SMC4: variants seen among roughly 807,000 people sequenced by gnomAD.
SMC4 encodes structural maintenance of chromosomes protein 4.
Under a neutral mutation model 145.6 loss-of-function variants are expected in SMC4, and 87 were observed. The ratio of observed to expected loss-of-function variants is 0.60; its 90% CI spans 0.50 to 0.71. The LOEUF (loss-of-function observed/expected upper bound fraction) is 0.71, where lower values mean the gene tolerates loss of function less well. Ranked by LOEUF, SMC4 falls within the 30% of genes least tolerant of loss-of-function variation. The pLI is 0.00. For synonymous variants in SMC4, 558 were observed against 500.7 expected (o/e 1.11, Z -1.53); for missense variants, 1,447 against 1,537.1 (o/e 0.94, Z 0.98).
intron 17 of SMC4, 37 bp downstream of exon 17, chr3:160,426,237 A>G (rs1407214715): frequency 4.6e-6 from 7 of 1,518,044 alleles, no homozygotes; most frequent in Non-Finnish European, 5.3e-6. Context: ...GGGGGAAAAA[A>G]AAAACAGGTT....
At chr3:160,421,564 C>T (rs1353487201) in intron 13 of SMC4, among the ~76,000 whole-genome samples, 9 of 151,830 alleles carry the variant, frequency 5.9e-5, no homozygotes, top group South Asian at 2.1e-4. Context: ...GCCAACATGG[C>T]GAAATCCCAT....
chr3:160,431,521 T>C, intron 20 of SMC4, 122 bp from the exon 21 acceptor site: 1 of 783,406 alleles, frequency 1.3e-6, no homozygotes, highest in East Asian at 2.7e-5. Flanking sequence ...GAAAAATAAT[T>C]GATAAATCAG....
rs1718440464 is a variant in SMC4, at chr3:160,431,839, G to A, written c.3297+14G>A. The A allele has an allele frequency of 6.3e-7, 1 of 1,599,012 alleles. No homozygotes were observed. Among genetic ancestry groups the A allele is most frequent in the Non-Finnish European group, 8.5e-7 (1 of 1,174,752 alleles). On this transcript the variant is annotated intron_variant, in intron 21 of 23. Transcript: ENST00000357388. ...TATAAAAAGAAGGTATGAATGAACT[G>A]TGTATGTATACTAGTTGGAGTTCTT...
rs1718368274 is a variant in SMC4 at position 160,431,217 on chromosome 3, A to AC, written c.3114+14dup. ...ATTGGCACAAAGAGGTGAGATTGTTACCGTTTAGTTTAATTTTAAACATAT... is the reference window on the plus strand; with the variant it reads ...ATTGGCACAAAGAGGTGAGATTGTTACCCGTTTAGTTTAATTTTAAACATAT... On this transcript the variant is annotated intron_variant, in intron 20 of 23. Transcript: ENST00000357388. 1 of 1,561,492 alleles carries AC rather than the reference A, an allele frequency of 6.4e-7. No individual in the cohort carries two copies. The highest frequency in any genetic ancestry group is 8.6e-7 in the Non-Finnish European group (1 of 1,157,604).
chr3:160,414,371 C>T lies in SMC4; in HGVS notation c.1126C>T (p.Leu376=). ...ACAATATACTTGCTTTGCTAGGAAACTGAATAAAATTACAAAATTTATTGA... is the reference window on the plus strand; with the variant it reads ...ACAATATACTTGCTTTGCTAGGAAATTGAATAAAATTACAAAATTTATTGA... The part of the protein sequence containing the change: ...NKDVKDTEKK[L]NKITKFIEEN... Residue 376 remains leucine, a synonymous_variant, in exon 9 of 24, where the codon CTG becomes TTG. Coordinates refer to ENST00000357388, the MANE Select transcript of SMC4 (RefSeq NM_001002800.3). 1 of 1,594,154 alleles carries T rather than the reference C, an allele frequency of 6.3e-7. No individual in the cohort carries two copies. Among genetic ancestry groups the T allele is most frequent in the Non-Finnish European group, 8.6e-7 (1 of 1,164,048 alleles).
intron 5 of SMC4, among the ~76,000 whole-genome samples, chr3:160,410,123 G>C (rs564780134): frequency 2.1e-4 from 32 of 152,294 alleles, no homozygotes; most frequent in African/African-American, 7.5e-4. Flanking sequence ...CTCTAGATCA[G>C]TAGTTCTCAG....
chr3:160,430,204 T>G (rs534658613), intron 18 of SMC4, among the ~76,000 whole-genome samples: 1 of 57,128 alleles, frequency 1.8e-5, no homozygotes, highest in African/African-American at 7.1e-5. Flanking sequence ...GGAGAAGTAG[T>G]GTCTTGCTTT....
intron 16 of SMC4, 59 bp downstream of exon 16, chr3:160,425,078 G>A (rs1002405824): frequency 1.4e-6 from 2 of 1,417,348 alleles, no homozygotes; most frequent in African/African-American, 1.5e-5. Flanking sequence ...GATTCAACTG[G>A]AATTTATCAG....
intron 7 of SMC4, among the ~76,000 whole-genome samples, chr3:160,413,181 G>T (rs992140207): frequency 6.6e-6 from 1 of 150,976 alleles, no homozygotes; most frequent in Non-Finnish European, 1.5e-5. Flanking sequence ...ATGGGGTTTC[G>T]CCATGTTGCC....
intron 20 of SMC4, 114 bp downstream of exon 20, chr3:160,431,319 T>G (rs1718380214): frequency 1.2e-6 from 1 of 833,100 alleles, no homozygotes; most frequent in African/African-American, 1.8e-5. Flanking sequence ...TGAGCTACAT[T>G]GTGATTTTTA....
chr3:160,424,610 C>T (rs1417976603), intron 15 of SMC4, among the ~76,000 whole-genome samples: 5 of 152,098 alleles, frequency 3.3e-5, no homozygotes, highest in Admixed American at 3.3e-4. Flanking sequence ...AGTTCAAGAC[C>T]AGCCTGGCCA....
At chr3:160,429,341 T>A (rs879912639) in intron 18 of SMC4, among the ~76,000 whole-genome samples, 9 of 152,194 alleles carry the variant, frequency 5.9e-5, no homozygotes, top group Non-Finnish European at 1.3e-4. Context: ...ACTTACATTT[T>A]AGTTTTTATT....
Position 160,433,645 on chromosome 3 carries a change from G to A in SMC4, c.3715-12G>A, listed in dbSNP as rs141497633. On this transcript the variant is annotated splice_polypyrimidine_tract_variant and intron_variant, in intron 23 of 23. Transcript: ENST00000357388. ...ATTACTTAATGTTTGACTTTTCTTT[G>A]TTTCTCTTTAGGAACAAACAAAAAA... 1 of 1,487,754 alleles carries A rather than the reference G, an allele frequency of 6.7e-7. No individual in the cohort carries two copies. Among genetic ancestry groups the A allele is most frequent in the Non-Finnish European group, 9.1e-7 (1 of 1,104,204 alleles). 92.2% of individuals were successfully genotyped at this position (1,487,754 alleles called of 1,614,324 possible).
At chr3:160,426,335 A>T (rs907611924) in intron 17 of SMC4, 135 bp downstream of exon 17, 13 of 714,908 alleles carry the variant, frequency 1.8e-5, no homozygotes, top group African/African-American at 1.6e-4. Flanking sequence ...GGTGTTTGTT[A>T]TAAAGTAAGT....
chr3:160,401,425 T>C (rs1457456025), intron 2 of SMC4, among the ~76,000 whole-genome samples: 3 of 152,132 alleles, frequency 2.0e-5, no homozygotes, highest in African/African-American at 4.8e-5. Context: ...TTGAAGCCAC[T>C]GTAGCTTTTG....
rs537519685 is a variant in SMC4 at position 160,423,718 on chromosome 3, T to C, written c.2246-43T>C. 9.4e-6 allele frequency: 15 copies of C among 1,603,012 alleles called. No homozygotes were observed. The South Asian group carries it at 1.1e-4, about 12-fold the overall frequency. On this transcript the variant is annotated intron_variant, in intron 14 of 23. Coordinates refer to ENST00000357388, the MANE Select transcript of SMC4 (RefSeq NM_001002800.3). ...ACAGCATTGACTTTATTTAATCTTG[T>C]TGGGGAGACATCTGAAGCTGACTTC... is the stretch of plus-strand genomic sequence containing the variant.
chr3:160,432,710 G>C, intron 22 of SMC4, 195 bp downstream of exon 22: 1 of 535,356 alleles, frequency 1.9e-6, no homozygotes, highest in South Asian at 3.0e-5. Context: ...CAAAATATTT[G>C]TCTAGTTCAT....
At chr3:160,423,373 G>GTTTTGTTTTT in intron 13 of SMC4, 52 bp from the exon 14 acceptor site, 7 of 651,756 alleles carry the variant, frequency 1.1e-5, no homozygotes, top group Non-Finnish European at 1.3e-5. Flanking sequence ...TTTTTTTTGA[G>GTTTTGTTTTT]TTTTCTTTTT....
At chr3:160,417,656 G>T in intron 10 of SMC4, 67 bp from the exon 11 acceptor site, 1 of 1,169,230 alleles carries the variant, frequency 8.6e-7, no homozygotes. Context: ...TAAAATGTAT[G>T]GTTTCATTTC....
Sources: allele counts gnomAD v4.1 joint callset (sites outside exome capture counted in the v4.1 genomes callset), GRCh38; gene constraint gnomAD v4.1.1; transcripts MANE v1.5; gene names NCBI Gene and HGNC (gene_info 2026-07-23, HGNC 2026-07-21).